Variants in TRIM71 observed in about 807,000 individuals in gnomAD.
TRIM71 encodes E3 ubiquitin-protein ligase TRIM71.
TRIM71 carries 9 observed loss-of-function variants against 61.2 expected under a neutral mutation model. The ratio of observed to expected loss-of-function variants is 0.15; its 90% CI spans 0.09 to 0.26. TRIM71 has a LOEUF of 0.26. Among genes scored for constraint, TRIM71 ranks in the 10% least tolerant of loss-of-function variants. TRIM71 has a pLI of 1.00. For synonymous variants in TRIM71, 645 were observed against 553.2 expected (o/e 1.17, Z -2.33); for missense variants, 998 against 1,238.7 (o/e 0.81, Z 2.92).
chr3:32,854,147 C>T (rs1696571013), intron 1 of TRIM71, among the ~76,000 whole-genome samples: 1 of 152,274 alleles, frequency 6.6e-6, no homozygotes, highest in Admixed American at 6.5e-5. Context: ...TGCCACCATG[C>T]CTGGCTAATT....
At chr3:32,877,404 ATTTTTT>A (rs77945008) in intron 2 of TRIM71, among the ~76,000 whole-genome samples, 1 of 145,408 alleles carries the variant, frequency 6.9e-6, no homozygotes, top group Non-Finnish European at 1.5e-5. Context: ...GCGCCTGGCC[ATTTTTT>A]TTTTTAAGAG....
At chr3:32,882,985 C>T (rs79255062) in intron 2 of TRIM71, among the ~76,000 whole-genome samples, 1 of 152,198 alleles carries the variant, frequency 6.6e-6, no homozygotes, top group Non-Finnish European at 1.5e-5. Context: ...CCTTTGTTCT[C>T]TCAGACAAAG....
intron 1 of TRIM71, among the ~76,000 whole-genome samples, chr3:32,862,006 A>G (rs1696674828): frequency 6.6e-6 from 1 of 152,228 alleles, no homozygotes; most frequent in African/African-American, 2.4e-5. Context: ...TAAAATAATT[A>G]CTGCCTGTGA....
rs1270421041 is a variant in TRIM71 at position 32,818,347 on chromosome 3, G to C, written c.267G>C (p.Leu89=). The C allele has an allele frequency of 2.7e-6, 4 of 1,475,078 alleles. No individual in the cohort carries two copies. The highest frequency in any genetic ancestry group is 3.6e-6 in the Non-Finnish European group (4 of 1,118,290). 91.4% of individuals were successfully genotyped at this position (1,475,078 alleles called of 1,614,324 possible). ...GCGCGGCGGGAGAGCCGCTCAAGCT[G>C]CGCTGCCCCGTGTGCGACCAGAAAG... ...GGGAAGEPLK[L]RCPVCDQKVV... The change falls in exon 1 of 4, where the codon CTG becomes CTC. Residue 89 remains leucine (L), a synonymous_variant. Coordinates refer to ENST00000383763, the MANE Select transcript of TRIM71 (RefSeq NM_001039111.3).
intron 1 of TRIM71, among the ~76,000 whole-genome samples, chr3:32,849,050 C>G (rs1157318479): frequency 1.3e-5 from 2 of 152,100 alleles, no homozygotes; most frequent in African/African-American, 4.8e-5. Context: ...GATCCTGGCC[C>G]TGGGCAGTCA....
At chr3:32,845,144 T>C (rs549825869) in intron 1 of TRIM71, among the ~76,000 whole-genome samples, 1 of 149,990 alleles carries the variant, frequency 6.7e-6, no homozygotes, top group East Asian at 1.9e-4. Context: ...GCTTTCCAGG[T>C]ACCTGTCTGG....
In TRIM71 at chr3:32,890,287, G is replaced by T; in HGVS notation, c.1156-73G>T. 1 of 1,527,076 alleles carries T rather than the reference G, an allele frequency of 6.5e-7. No homozygotes were observed. The highest frequency in any genetic ancestry group is 8.8e-7 in the Non-Finnish European group (1 of 1,130,772). 94.6% of individuals were successfully genotyped at this position (1,527,076 alleles called of 1,614,324 possible). On this transcript the variant is annotated intron_variant, in intron 3 of 3. Coordinates refer to ENST00000383763, the MANE Select transcript of TRIM71 (RefSeq NM_001039111.3). The surrounding 1 kb of genome is among the most constrained non-coding windows in gnomAD (Gnocchi z 6.2). ...GTCTGATGCTTCCTTGTGATTAGTT[G>T]TGGCTTATGTGGTATTTTCTGTGCT...
At chr3:32,886,526 C>T (rs1008086314) in intron 3 of TRIM71, among the ~76,000 whole-genome samples, 1 of 152,068 alleles carries the variant, frequency 6.6e-6, no homozygotes, top group Non-Finnish European at 1.5e-5. Context: ...GTGCCGAGCA[C>T]ACTAGTGTGC....
intron 2 of TRIM71, among the ~76,000 whole-genome samples, chr3:32,875,893 G>A (rs1440275942): frequency 1.3e-5 from 2 of 152,160 alleles, no homozygotes. Context: ...AACAGAAGAG[G>A]GAGGATTTGA....
In TRIM71 at chr3:32,892,982, T is replaced by C. The variant is rs926880254; in HGVS notation, c.*1171T>C. ...ATGTTGTTCTGTAGTGCTAGGGGTT[T>C]CTTTTCCTAAGAAGAGTAGGCAAAG... On this transcript the variant is annotated 3_prime_UTR_variant, in exon 4 of 4. Transcript: ENST00000383763. 6.6e-6 allele frequency: 1 copy of C among 152,210 alleles called. No homozygotes were observed. Among genetic ancestry groups the C allele is most frequent in the African/African-American group, 2.4e-5 (1 of 41,448 alleles). The allele number at this position is 152,210 out of a possible 1,614,324, so 9.4% of individuals were successfully genotyped here.
At chr3:32,862,612 C>T (rs922651313) in intron 1 of TRIM71, among the ~76,000 whole-genome samples, 5 of 152,214 alleles carry the variant, frequency 3.3e-5, no homozygotes, top group Admixed American at 1.3e-4. Context: ...CCTTGCCTTG[C>T]TTTTGCAACC....
intron 2 of TRIM71, among the ~76,000 whole-genome samples, chr3:32,877,196 C>T (rs1696859530): frequency 6.6e-6 from 1 of 152,078 alleles, no homozygotes; most frequent in Admixed American, 6.5e-5. Flanking sequence ...CTTTGCCTCC[C>T]AGTTTCAAGT....
chr3:32,884,540 G>GAAAAAAAAAA (rs11339536), intron 2 of TRIM71, among the ~76,000 whole-genome samples: 1 of 138,454 alleles, frequency 7.2e-6, no homozygotes. Flanking sequence ...ATCTCTATTT[G>GAAAAAAAAAA]AAAAAAAAAA....
chr3:32,834,640 G>A (rs900793707), intron 1 of TRIM71, among the ~76,000 whole-genome samples: 1 of 152,064 alleles, frequency 6.6e-6, no homozygotes, highest in Admixed American at 6.6e-5. Flanking sequence ...TCAAGAGATC[G>A]AGACCATCCT....
At chr3:32,824,643 C>G (rs1395333921) in intron 1 of TRIM71, among the ~76,000 whole-genome samples, 1 of 152,184 alleles carries the variant, frequency 6.6e-6, no homozygotes, top group Non-Finnish European at 1.5e-5. Context: ...GCCATCACAC[C>G]TGGCTAATTT....
At chr3:32,852,712 A>G (rs543286367) in intron 1 of TRIM71, among the ~76,000 whole-genome samples, 15 of 152,214 alleles carry the variant, frequency 9.9e-5, no homozygotes, top group African/African-American at 3.4e-4. Flanking sequence ...TGAGGATTAC[A>G]GAACTCTAAC....
chr3:32,886,983 A>G (rs1696968580), intron 3 of TRIM71, among the ~76,000 whole-genome samples: 1 of 152,256 alleles, frequency 6.6e-6, no homozygotes, highest in Non-Finnish European at 1.5e-5. Context: ...GTGTTAGTCC[A>G]AGATTTTTAA....
At chr3:32,852,049 C>T (rs978618279) in intron 1 of TRIM71, among the ~76,000 whole-genome samples, 4 of 152,220 alleles carry the variant, frequency 2.6e-5, no homozygotes, top group South Asian at 2.1e-4. Flanking sequence ...GGAGCGTGCC[C>T]GAGGGGTCCT....
At chr3:32,887,383 C>T (rs745593702) in intron 3 of TRIM71, among the ~76,000 whole-genome samples, 6 of 151,956 alleles carry the variant, frequency 3.9e-5, no homozygotes, top group Non-Finnish European at 8.8e-5. Flanking sequence ...AATTCATCCT[C>T]AGAGCATTCC....
Sources: gnomAD v4.1 joint callset for allele counts (sites outside exome capture counted in the v4.1 genomes callset) on GRCh38, gnomAD v4.1.1 for gene constraint, Gnocchi (gnomAD v3.1) non-coding constraint, MANE v1.5 for transcripts, NCBI Gene and HGNC (gene_info 2026-07-23, HGNC 2026-07-21) for gene names.